The following FAM227B variants were observed in gnomAD, a reference collection of about 807,000 sequenced individuals.
FAM227B encodes the protein protein FAM227B.
Under a neutral mutation model 73.8 loss-of-function variants are expected in FAM227B, and 88 were observed. That is an observed-to-expected ratio of 1.19 (90% CI 1.00 to 1.42). The LOEUF (loss-of-function observed/expected upper bound fraction) is 1.42. Ranked by LOEUF, FAM227B falls within the 40% of genes most tolerant of loss-of-function variation. The pLI is 0.00. For missense variants in FAM227B, 632 were observed against 590.9 expected, an observed-to-expected ratio of 1.07 and a Z score of -0.72; for synonymous variants, 210 against 190.5, an observed-to-expected ratio of 1.10 and a Z score of -0.84.
At chr15:49,404,880 T>C (rs1183222305) in intron 11 of FAM227B, among the ~76,000 whole-genome samples, 1 of 152,038 alleles carries the variant, frequency 6.6e-6, no homozygotes, top group Non-Finnish European at 1.5e-5. Context: ...GTTTTTGTAG[T>C]GGCTGGCAAT....
chr15:49,370,920 T>A (rs749435867), intron 12 of FAM227B, among the ~76,000 whole-genome samples: 2 of 152,206 alleles, frequency 1.3e-5, no homozygotes, highest in Non-Finnish European at 2.9e-5. Flanking sequence ...GCTTAAGAAG[T>A]AAGGACAGGT....
chr15:49,375,012 T>C (rs563488504), intron 11 of FAM227B, among the ~76,000 whole-genome samples: 9 of 152,302 alleles, frequency 5.9e-5, no homozygotes, highest in Admixed American at 5.2e-4. Flanking sequence ...TCTCTCTACA[T>C]ACCTACTTAC....
At position 49,577,635 on chromosome 15, in the gene FAM227B, A is replaced by G; in HGVS notation, c.435T>C (p.Asn145=). ...GAACAGAAATTTTAAGTACCTCTAT[A>G]TTCTTCTCTGTCTCCATTTCATCTG... ...MLSDEMETEK[N]IEGCSFTGFK... Residue 145 remains asparagine, a synonymous_variant, in exon 6 of 16, where the codon AAT becomes AAC. Transcript: ENST00000299338. 1.3e-6 allele frequency: 2 copies of G among 1,564,260 alleles called. No homozygotes were observed. The highest frequency in any genetic ancestry group is 1.7e-6 in the Non-Finnish European group (2 of 1,145,042).
At chr15:49,370,703 C>T (rs1247999595) in intron 12 of FAM227B, among the ~76,000 whole-genome samples, 1 of 152,006 alleles carries the variant, frequency 6.6e-6, no homozygotes, top group Admixed American at 6.6e-5. Context: ...AGACTGTAAC[C>T]AACTTAAAAT....
chr15:49,379,468 T>G (rs2046379951), intron 11 of FAM227B, among the ~76,000 whole-genome samples: 1 of 152,172 alleles, frequency 6.6e-6, no homozygotes, highest in African/African-American at 2.4e-5. Flanking sequence ...GATCTCAATA[T>G]TTGTTATTCA....
intron 10 of FAM227B, among the ~76,000 whole-genome samples, chr15:49,516,508 T>C (rs528504738): frequency 1.3e-5 from 2 of 152,126 alleles, no homozygotes; most frequent in African/African-American, 4.8e-5. Context: ...GTTTTGAAAT[T>C]GCAGATAGTT....
intron 11 of FAM227B, among the ~76,000 whole-genome samples, chr15:49,475,561 G>T (rs1260387271): frequency 6.6e-6 from 1 of 151,938 alleles, no homozygotes; most frequent in South Asian, 2.1e-4. Flanking sequence ...CAGATTAGCA[G>T]ATATTTAACA....
Position 49,393,305 on chromosome 15 carries a change from T to A in FAM227B, c.1013-21906A>T, listed in dbSNP as rs1025919187. The stretch of plus-strand genomic sequence containing the variant: ...GGTGCTGTGGTTCACCCATATCATT[T>A]CCTCTTTGTTTGGAGCCATTGTGCT... On this transcript the variant is annotated intron_variant, in intron 11 of 15. Transcript: ENST00000299338. 3.9e-5 allele frequency among the ~76,000 whole-genome samples: 6 copies of A among 152,238 alleles called. No individual in the cohort carries two copies. In the East Asian group the frequency reaches 1.2e-3, roughly 29 times the overall value.
Position 49,508,345 on chromosome 15 carries a change from A to C in FAM227B, c.878T>G (p.Leu293Ter). 1 of 1,580,234 alleles carries C rather than the reference A, an allele frequency of 6.3e-7. No homozygotes were observed. The highest frequency in any genetic ancestry group is 8.5e-7 in the Non-Finnish European group (1 of 1,169,860). Residue 293 changes from leucine to a stop codon, truncating the protein, a stop_gained, in exon 11 of 16, where the codon TTA becomes TGA. Coordinates refer to ENST00000299338, the MANE Select transcript of FAM227B (RefSeq NM_152647.3). LOFTEE classifies it high-confidence loss of function. ...GNNIFLWCSG[L>*]KPQKGFWIHW... The stretch of plus-strand genomic sequence containing the variant: ...GATCCAAAAGCCTTTTTGAGGTTTT[A>C]AACCTGTTAATATAAAATACATATT...
chr15:49,435,688 C>T (rs557622321), intron 11 of FAM227B, among the ~76,000 whole-genome samples: 2 of 151,482 alleles, frequency 1.3e-5, no homozygotes, highest in South Asian at 4.2e-4. Flanking sequence ...ATAATAGATA[C>T]CCCAAAGAAG....
At chr15:49,464,425 A>C (rs2054081143) in intron 11 of FAM227B, among the ~76,000 whole-genome samples, 1 of 152,206 alleles carries the variant, frequency 6.6e-6, no homozygotes, top group Non-Finnish European at 1.5e-5. Context: ...AAATGATCTA[A>C]AAGTATGTAC....
intron 11 of FAM227B, among the ~76,000 whole-genome samples, chr15:49,467,276 AT>A (rs1396001454): frequency 1.3e-5 from 2 of 152,158 alleles, no homozygotes. Flanking sequence ...GAAAGTTTCT[AT>A]AACTTCTTTT....
chr15:49,540,082 T>C (rs1401624913), intron 10 of FAM227B, among the ~76,000 whole-genome samples: 1 of 152,058 alleles, frequency 6.6e-6, no homozygotes, highest in African/African-American at 2.4e-5. Flanking sequence ...TCTCTCTCTC[T>C]CTCCAGGAGG....
chr15:49,450,680 CCT>C (rs2052641859), intron 11 of FAM227B, among the ~76,000 whole-genome samples: 1 of 152,112 alleles, frequency 6.6e-6, no homozygotes, highest in South Asian at 2.1e-4. Context: ...CTTCCTTATG[CCT>C]CTTGATTCCC....
At chr15:49,597,076 T>C (rs2076927859) in intron 3 of FAM227B, among the ~76,000 whole-genome samples, 1 of 151,800 alleles carries the variant, frequency 6.6e-6, no homozygotes, top group South Asian at 2.1e-4. Flanking sequence ...AAAGAGAAAG[T>C]CAACAAAGAA....
intron 9 of FAM227B, among the ~76,000 whole-genome samples, chr15:49,552,335 T>C (rs1224275150): frequency 6.6e-6 from 1 of 152,194 alleles, no homozygotes; most frequent in Non-Finnish European, 1.5e-5. Flanking sequence ...AGGTTTCCAC[T>C]GAAAAGACTG....
rs540027053 is a variant in FAM227B, at chr15:49,607,423, A to G, written c.105+3792T>C. Among the ~76,000 whole-genome samples, 19 of 152,312 alleles carry G rather than the reference A, an allele frequency of 1.2e-4. No homozygotes were observed. In the South Asian group the frequency reaches 3.7e-3, roughly 30 times the overall value. ...AAGAATAAGAGAAGGTCACAGGGTA[A>G]AATCCCTGAAGACCAACACTGTCAA... On this transcript the variant is annotated intron_variant, in intron 3 of 15. Transcript: ENST00000299338.
At chr15:49,420,129 A>T (rs896482871) in intron 11 of FAM227B, among the ~76,000 whole-genome samples, 1 of 152,194 alleles carries the variant, frequency 6.6e-6, no homozygotes, top group Non-Finnish European at 1.5e-5. Context: ...AGTTGGCAAT[A>T]TCTTTTTTTT....
At chr15:49,483,980 T>C (rs2056178574) in intron 11 of FAM227B, among the ~76,000 whole-genome samples, 1 of 151,822 alleles carries the variant, frequency 6.6e-6, no homozygotes, top group Non-Finnish European at 1.5e-5. Context: ...AAAGAATGAG[T>C]GATGTGGGAA....
Sources: gnomAD v4.1 joint callset for allele counts (sites outside exome capture counted in the v4.1 genomes callset) on GRCh38, gnomAD v4.1.1 for gene constraint, MANE v1.5 for transcripts, NCBI Gene and HGNC (gene_info 2026-07-23, HGNC 2026-07-21) for gene names.